RNF212: variants seen among roughly 807,000 people sequenced by gnomAD.
RNF212 encodes the protein ring finger protein 212.
A neutral mutation model predicts 34.7 loss-of-function variants in RNF212; 33 were observed. The ratio of observed to expected loss-of-function variants is 0.95; its 90% CI spans 0.72 to 1.27. The LOEUF (loss-of-function observed/expected upper bound fraction) is 1.27, where lower values mean the gene tolerates loss of function less well. Among genes scored for constraint, RNF212 ranks in the 50% most tolerant of loss-of-function variants. The pLI, the probability that RNF212 is intolerant of heterozygous loss-of-function variation, is 0.00. For synonymous variants in RNF212, 140 were observed against 136.1 expected (o/e 1.03, Z -0.20); for missense variants, 377 against 362.2 (o/e 1.04, Z -0.33).
At chr4:1,083,757 C>T (rs375715314) in intron 5 of RNF212, among the ~76,000 whole-genome samples, 32 of 152,184 alleles carry the variant, frequency 2.1e-4, no homozygotes, top group African/African-American at 7.5e-4. Flanking sequence ...CCTAAGACGA[C>T]GGAGATCACA....
At chr4:1,097,598 T>G (rs550424853) in intron 2 of RNF212, among the ~76,000 whole-genome samples, 2 of 149,528 alleles carry the variant, frequency 1.3e-5, no homozygotes, top group East Asian at 4.1e-4. Context: ...GAAACAGCAT[T>G]TGGTTACAAG....
At chr4:1,065,412 G>A (rs1313540237) in intron 3 of RNF212, among the ~76,000 whole-genome samples, 1 of 152,160 alleles carries the variant, frequency 6.6e-6, no homozygotes, top group East Asian at 1.9e-4. Context: ...ATACTTTGAG[G>A]AAAGCTGCAT....
intron 3 of RNF212, among the ~76,000 whole-genome samples, chr4:1,091,556 C>A (rs1369848635): frequency 6.6e-6 from 1 of 152,194 alleles, no homozygotes; most frequent in African/African-American, 2.4e-5. Context: ...TAGCTCCATC[C>A]CCCACTTCAC....
At chr4:1,066,226 G>C (rs1321884372) in intron 3 of RNF212, among the ~76,000 whole-genome samples, 1 of 151,956 alleles carries the variant, frequency 6.6e-6, no homozygotes, top group Non-Finnish European at 1.5e-5. Flanking sequence ...CCCAGCTCTT[G>C]CTATAGTTTT....
chr4:1,074,497 C>A (rs1018044624), intron 8 of RNF212, among the ~76,000 whole-genome samples: 1 of 152,178 alleles, frequency 6.6e-6, no homozygotes, highest in Non-Finnish European at 1.5e-5. Context: ...TCCAGTACAC[C>A]GTGGAAGCCC....
intron 3 of RNF212, chr4:1,093,847 C>G (rs932230751): frequency 2.9e-5 from 44 of 1,536,068 alleles, no homozygotes; most frequent in Non-Finnish European, 3.7e-5. Context: ...CTGGCTGGCT[C>G]TGGGACCGCC....
At chr4:1,093,597 C>T (rs1377331747) in intron 3 of RNF212, 10 of 1,535,370 alleles carry the variant, frequency 6.5e-6, no homozygotes, top group Non-Finnish European at 8.7e-6. Context: ...AGACAGGTGG[C>T]TGGAGGGGCT....
intron 2 of RNF212, among the ~76,000 whole-genome samples, chr4:1,104,766 G>T (rs1261392926): frequency 6.6e-6 from 1 of 152,140 alleles, no homozygotes; most frequent in South Asian, 2.1e-4. Flanking sequence ...CTCGGGTCCC[G>T]ATTTGGCCTG....
downstream of RNF212, among the ~76,000 whole-genome samples, chr4:1,067,068 A>G (rs968469750): frequency 6.6e-6 from 1 of 152,184 alleles, no homozygotes; most frequent in Non-Finnish European, 1.5e-5. Flanking sequence ...CCCACTGAAT[A>G]GTGTCTTTCT....
chr4:1,108,326 G>A lies in RNF212; in HGVS notation c.171+17C>T, dbSNP rs767166893. 8 of 1,458,342 alleles carry A rather than the reference G, an allele frequency of 5.5e-6. No homozygotes were observed. In the East Asian group the frequency reaches 8.0e-5, roughly 15 times the overall value. The allele number at this position is 1,458,342 out of a possible 1,614,324, so 90.3% of individuals were successfully genotyped here. The stretch of plus-strand genomic sequence containing the variant: ...ATGACTGTGATTAAGATGCAGATAC[G>A]ACACATTTCAACTTACATGCTTTGA... On this transcript the variant is annotated intron_variant, in intron 2 of 9. Coordinates refer to ENST00000433731, the MANE Select transcript of RNF212 (RefSeq NM_001131034.4).
intron 2 of RNF212, among the ~76,000 whole-genome samples, chr4:1,100,526 G>A (rs11247973): frequency 0.58 from 87,473 of 150,932 alleles, 26,966 homozygotes; most frequent in South Asian, 0.7. Flanking sequence ...TCTAGCCTCA[G>A]GCTCCCAAGT....
At chr4:1,069,638 C>G (rs1430747297), downstream of RNF212, among the ~76,000 whole-genome samples, 1 of 152,194 alleles carries the variant, frequency 6.6e-6, no homozygotes, top group Non-Finnish European at 1.5e-5. Context: ...TGTGGCAGAA[C>G]AGGTCACCTC....
intron 4 of RNF212, among the ~76,000 whole-genome samples, chr4:1,057,377 G>A (rs975600086): frequency 4.6e-5 from 7 of 152,204 alleles, no homozygotes; most frequent in African/African-American, 9.7e-5. Flanking sequence ...TTGAACACAC[G>A]AGTTCGGTTG....
chr4:1,093,755 G>A (rs1722582209), intron 3 of RNF212: 2 of 1,536,142 alleles, frequency 1.3e-6, no homozygotes, highest in African/African-American at 1.4e-5. Context: ...GCCCCAAGGG[G>A]ACTTGGTGTG....
chr4:1,103,091 A>G (rs1244968164), intron 2 of RNF212, among the ~76,000 whole-genome samples: 1 of 152,242 alleles, frequency 6.6e-6, no homozygotes, highest in Non-Finnish European at 1.5e-5. Flanking sequence ...ACTTACAGAC[A>G]TGAAAAATAT....
At chr4:1,063,712 G>C (rs1051911677) in intron 3 of RNF212, among the ~76,000 whole-genome samples, 9 of 138,760 alleles carry the variant, frequency 6.5e-5, no homozygotes, top group Non-Finnish European at 1.3e-4. Context: ...AAAAAAAAAA[G>C]AAAAAAGAAA....
At chr4:1,093,975 A>G in intron 3 of RNF212, 1 of 1,536,096 alleles carries the variant, frequency 6.5e-7, no homozygotes, top group South Asian at 1.2e-5. Context: ...GTGGCTGGGC[A>G]TAACTTGAGA....
upstream of RNF212, chr4:1,113,575 A>G (rs1322559526): frequency 1.3e-6 from 1 of 768,276 alleles, no homozygotes; most frequent in Non-Finnish European, 1.9e-6. Flanking sequence ...GCCTGCGCAA[A>G]GTCGACGGCA....
At chr4:1,081,889 C>A (rs1720412491) in intron 5 of RNF212, 1 of 449,424 alleles carries the variant, frequency 2.2e-6, no homozygotes, top group Non-Finnish European at 4.1e-6. Context: ...CAGCACATGG[C>A]CACTGCGGGT....
Sources: allele counts gnomAD v4.1 joint callset (sites outside exome capture counted in the v4.1 genomes callset), GRCh38; gene constraint gnomAD v4.1.1; transcripts MANE v1.5; gene names NCBI Gene and HGNC (gene_info 2026-07-23, HGNC 2026-07-21).